KDM3A: variants seen among roughly 807,000 people sequenced by gnomAD.
KDM3A encodes lysine-specific demethylase 3A.
KDM3A carries 60 observed loss-of-function variants against 158.0 expected under a neutral mutation model. The ratio of observed to expected loss-of-function variants is 0.38; its 90% confidence interval spans 0.31 to 0.47. The LOEUF (loss-of-function observed/expected upper bound fraction) is 0.47, where lower values mean the gene tolerates loss of function less well. Among genes scored for constraint, KDM3A ranks in the 20% least tolerant of loss-of-function variants. KDM3A has a pLI of 0.99. For synonymous variants in KDM3A, 608 were observed against 549.3 expected (o/e 1.11, Z -1.49); for missense variants, 1,319 against 1,574.3 (o/e 0.84, Z 2.74).
At chr2:86,440,214 T>A (rs1453505564), upstream of KDM3A, among the ~76,000 whole-genome samples, 2 of 152,126 alleles carry the variant, frequency 1.3e-5, no homozygotes, top group Non-Finnish European at 2.9e-5. Flanking sequence ...AAACTTAAAA[T>A]CACATTCAGA....
intron 12 of KDM3A, among the ~76,000 whole-genome samples, chr2:86,477,651 A>T (rs1459613397): frequency 6.6e-6 from 1 of 152,130 alleles, no homozygotes; most frequent in South Asian, 2.1e-4. Flanking sequence ...GCCTGAATAC[A>T]TAAAGTGAGA....
intron 11 of KDM3A, among the ~76,000 whole-genome samples, chr2:86,474,231 C>T (rs1233620149): frequency 2.6e-5 from 4 of 152,190 alleles, no homozygotes; most frequent in Non-Finnish European, 5.9e-5. Context: ...TCTCCTCCCT[C>T]CTCTTTCCCC....
chr2:86,456,658 A>AT, intron 6 of KDM3A, 92 bp downstream of exon 6: 3 of 1,322,228 alleles, frequency 2.3e-6, no homozygotes, highest in Non-Finnish European at 3.2e-6. Flanking sequence ...AAATACCTTT[A>AT]TTATTTTATA....
At chr2:86,439,266 T>C (rs981245097), upstream of KDM3A, among the ~76,000 whole-genome samples, 2 of 152,028 alleles carry the variant, frequency 1.3e-5, no homozygotes, top group African/African-American at 2.4e-5. Flanking sequence ...TGGTGAATTT[T>C]AGTAATTTTC....
Position 86,442,083 on chromosome 2 carries a change from G to C in KDM3A, c.36G>C (p.Leu12Phe), listed in dbSNP as rs527564102. Residue 12 changes from leucine to phenylalanine, a missense_variant, in exon 2 of 26, where the codon TTG (leucine) becomes TTC (phenylalanine). Leu to Phe is a conservative substitution (Grantham distance 22). Coordinates refer to ENST00000312912, the MANE Select transcript of KDM3A (RefSeq NM_018433.6). ...VLTLGESWPV[L>F]VGRRFLSLSA... ...CGCTCGGAGAAAGTTGGCCGGTATTGGTGGGGAGGAGGTTTCTCAGTCTGT... is the reference window on the plus strand; with the variant it reads ...CGCTCGGAGAAAGTTGGCCGGTATTCGTGGGGAGGAGGTTTCTCAGTCTGT... 1.3e-4 allele frequency: 205 copies of C among 1,614,132 alleles called. 1 individual carries two copies. In the Admixed American group the frequency reaches 3.0e-3, roughly 24 times the overall value.
chr2:86,442,472 T>C (rs1682771560), intron 2 of KDM3A: 1 of 438,750 alleles, frequency 2.3e-6, no homozygotes, highest in African/African-American at 2.0e-5. Flanking sequence ...TCAGACACGC[T>C]TCATTAATGC....
chr2:86,492,317 A>T lies in KDM3A; in HGVS notation c.*198A>T. On this transcript the variant is annotated 3_prime_UTR_variant, in exon 26 of 26. Transcript: ENST00000312912. ...TGTAGTAACTATTTACAGAACATGC[A>T]TCCTTAAACTGTGACTTCTCACCTA... 2 of 501,760 alleles carry T rather than the reference A, an allele frequency of 4.0e-6. No individual in the cohort carries two copies. Among genetic ancestry groups the T allele is most frequent in the Non-Finnish European group, 7.1e-6 (2 of 280,416 alleles). The allele number at this position is 501,760 out of a possible 1,614,324, so 31.1% of individuals were successfully genotyped here.
At chr2:86,471,683 T>C (rs1673417692) in intron 11 of KDM3A, among the ~76,000 whole-genome samples, 1 of 152,212 alleles carries the variant, frequency 6.6e-6, no homozygotes, top group Non-Finnish European at 1.5e-5. Context: ...ATATCTGTGC[T>C]CGTAACTTTC....
intron 12 of KDM3A, among the ~76,000 whole-genome samples, chr2:86,476,054 T>C (rs912409690): frequency 1.3e-5 from 2 of 152,184 alleles, no homozygotes. Context: ...GCTGGGGTAG[T>C]GGAGACTCTA....
At chr2:86,478,468 G>T in intron 14 of KDM3A, 140 bp from the exon 15 acceptor site, 1 of 998,688 alleles carries the variant, frequency 1.0e-6, no homozygotes, top group Non-Finnish European at 1.5e-6. Context: ...AATGCATTTT[G>T]GGGAAGGCCT....
chr2:86,464,489 T>C (rs1673054483), intron 9 of KDM3A, among the ~76,000 whole-genome samples: 1 of 152,198 alleles, frequency 6.6e-6, no homozygotes. Flanking sequence ...AGGTGTCTTC[T>C]TTTAAGGAAA....
At chr2:86,482,734 C>T (rs1420790395) in intron 18 of KDM3A, 40 bp downstream of exon 18, 1 of 1,597,704 alleles carries the variant, frequency 6.3e-7, no homozygotes, top group Non-Finnish European at 8.5e-7. Flanking sequence ...ATTCAGAACC[C>T]CCTTCTCAGT....
At chr2:86,450,695 AAAG>A (rs1160794019) in intron 3 of KDM3A, among the ~76,000 whole-genome samples, 4 of 152,112 alleles carry the variant, frequency 2.6e-5, no homozygotes, top group Non-Finnish European at 4.4e-5. Flanking sequence ...CCATGAGTGA[AAAG>A]AGCTGCTATG....
chr2:86,440,376 A>G (rs1682628857), upstream of KDM3A, among the ~76,000 whole-genome samples: 1 of 152,210 alleles, frequency 6.6e-6, no homozygotes, highest in Admixed American at 6.5e-5. Flanking sequence ...GTCAAACACT[A>G]GCCTTTATGA....
chr2:86,460,184 G>A (rs984592675), intron 8 of KDM3A, among the ~76,000 whole-genome samples: 1 of 152,158 alleles, frequency 6.6e-6, no homozygotes. Context: ...CTTTCCTTCT[G>A]TCTCTTCTCC....
chr2:86,477,801 A>G, intron 12 of KDM3A, 76 bp from the exon 13 acceptor site: 1 of 1,393,194 alleles, frequency 7.2e-7, no homozygotes, highest in Admixed American at 2.2e-5. Flanking sequence ...GAGGAATGAC[A>G]ATAACCCCTA....
In KDM3A at chr2:86,451,129, T is replaced by C; in HGVS notation, c.369T>C (p.Ala123=). ...CGTACAAACCTCTGTTGGACAAAGC[T>C]GGTTTGGGATCCATAACTTCTGTTC... ...AITYKPLLDK[A]GLGSITSVRF... is the part of the protein sequence containing the mutation. The change falls in exon 4 of 26, where the codon GCT becomes GCC. Residue 123 remains alanine, a synonymous_variant. Transcript: ENST00000312912. 1 of 1,610,214 alleles carries C rather than the reference T, an allele frequency of 6.2e-7. No homozygotes were observed. The highest frequency in any genetic ancestry group is 8.5e-7 in the Non-Finnish European group (1 of 1,178,856).
intron 21 of KDM3A, among the ~76,000 whole-genome samples, chr2:86,486,356 C>A (rs565832532): frequency 5.3e-5 from 8 of 152,280 alleles, no homozygotes; most frequent in African/African-American, 1.7e-4. Flanking sequence ...TCAATACTCA[C>A]TGTCTAACAA....
At chr2:86,489,860 C>G in intron 23 of KDM3A, 1 of 474,726 alleles carries the variant, frequency 2.1e-6, no homozygotes. Context: ...CTAAAAAAAG[C>G]AGGCCTTGTC....
Sources: gnomAD v4.1 joint callset for allele counts (sites outside exome capture counted in the v4.1 genomes callset) on GRCh38, gnomAD v4.1.1 for gene constraint, MANE v1.5 for transcripts, NCBI Gene and HGNC (gene_info 2026-07-23, HGNC 2026-07-21) for gene names.